Variants in PLCL1 observed in about 807,000 individuals in gnomAD.
PLCL1 encodes phospholipase C like 1 (inactive).
PLCL1 carries 41 observed loss-of-function variants against 84.4 expected under a neutral mutation model. That is an observed-to-expected ratio of 0.49 (90% CI 0.38 to 0.63). The LOEUF is 0.63. PLCL1 is among the 30% of genes least tolerant of loss of function. PLCL1 has a pLI of 0.00. For missense variants in PLCL1, 1,206 were observed against 1,367.8 expected (o/e 0.88, Z 1.87); for synonymous variants, 490 against 488.3 (o/e 1.00, Z -0.05).
At chr2:198,014,222 GA>G (rs1690938547) in intron 1 of PLCL1, among the ~76,000 whole-genome samples, 1 of 152,124 alleles carries the variant, frequency 6.6e-6, no homozygotes, top group Non-Finnish European at 1.5e-5. Flanking sequence ...GTCTTAGGTA[GA>G]AAAGTTTGGG....
intron 1 of PLCL1, among the ~76,000 whole-genome samples, chr2:197,923,976 C>T (rs993806639): frequency 2.0e-5 from 3 of 151,734 alleles, no homozygotes; most frequent in Admixed American, 6.6e-5. Context: ...GCCAACACAG[C>T]GAAACCCCGT....
chr2:197,840,384 T>C (rs1166582365), intron 1 of PLCL1, among the ~76,000 whole-genome samples: 4 of 152,138 alleles, frequency 2.6e-5, no homozygotes, highest in Non-Finnish European at 5.9e-5. Context: ...ATAATTTTAA[T>C]ATTGTCAGTT....
At chr2:198,121,631 T>C (rs781184893) in intron 5 of PLCL1, among the ~76,000 whole-genome samples, 7 of 151,150 alleles carry the variant, frequency 4.6e-5, no homozygotes, top group Non-Finnish European at 8.9e-5. Context: ...TGTAGATTTG[T>C]TTCTGGGTTC....
At chr2:197,989,081 A>T (rs1413426168) in intron 1 of PLCL1, among the ~76,000 whole-genome samples, 1 of 152,256 alleles carries the variant, frequency 6.6e-6, no homozygotes, top group Non-Finnish European at 1.5e-5. Flanking sequence ...AATGAAGAGT[A>T]GAAATTCTTG....
intron 1 of PLCL1, among the ~76,000 whole-genome samples, chr2:197,866,062 C>A: frequency 1.4e-5 from 1 of 70,666 alleles, no homozygotes; most frequent in African/African-American, 7.5e-5. Flanking sequence ...TACACACACA[C>A]ACACACTATA....
chr2:197,898,715 G>T (rs1028868751), intron 1 of PLCL1, among the ~76,000 whole-genome samples: 1 of 48,806 alleles, frequency 2.0e-5, no homozygotes, highest in Non-Finnish European at 4.4e-5. Context: ...AAATGTGTGT[G>T]TGTATGTATT....
chr2:197,996,129 A>G (rs1439277222), intron 1 of PLCL1, among the ~76,000 whole-genome samples: 3 of 152,062 alleles, frequency 2.0e-5, no homozygotes, highest in East Asian at 3.9e-4. Context: ...GGAAAGGGAA[A>G]GGAGGGAGAA....
intron 1 of PLCL1, among the ~76,000 whole-genome samples, chr2:197,806,061 CT>C: frequency 6.6e-6 from 1 of 152,330 alleles, no homozygotes; most frequent in Non-Finnish European, 1.5e-5. Context: ...CTCTTTCCAT[CT>C]TCCTTCCACT....
At chr2:198,093,954 C>A (rs913872008) in intron 3 of PLCL1, among the ~76,000 whole-genome samples, 1 of 151,964 alleles carries the variant, frequency 6.6e-6, no homozygotes, top group Non-Finnish European at 1.5e-5. Flanking sequence ...TTATTACCCA[C>A]TATAAATAAA....
chr2:198,090,486 C>T (rs1248766617), intron 3 of PLCL1, among the ~76,000 whole-genome samples: 1 of 151,936 alleles, frequency 6.6e-6, no homozygotes, highest in Non-Finnish European at 1.5e-5. Context: ...AAGATTTTGT[C>T]ATTAAAAAAC....
intron 1 of PLCL1, among the ~76,000 whole-genome samples, chr2:197,846,442 C>A (rs1274468577): frequency 2.0e-5 from 3 of 152,084 alleles, no homozygotes; most frequent in Non-Finnish European, 4.4e-5. Flanking sequence ...AGGTTTCTGT[C>A]TGAGTATTCA....
intron 1 of PLCL1, among the ~76,000 whole-genome samples, chr2:198,068,147 A>G (rs1034326121): frequency 2.6e-5 from 4 of 152,196 alleles, no homozygotes; most frequent in Non-Finnish European, 5.9e-5. Context: ...AGCTATTTGT[A>G]AATTACTATA....
intron 1 of PLCL1, among the ~76,000 whole-genome samples, chr2:198,060,696 A>T (rs1692175332): frequency 6.6e-6 from 1 of 152,234 alleles, no homozygotes; most frequent in Admixed American, 6.5e-5. Flanking sequence ...GCATAGTTCA[A>T]ATTTATGTTT....
At chr2:197,921,055 G>A (rs1184183228) in intron 1 of PLCL1, among the ~76,000 whole-genome samples, 2 of 152,074 alleles carry the variant, frequency 1.3e-5, no homozygotes, top group Non-Finnish European at 2.9e-5. Flanking sequence ...ACACACCTAG[G>A]CTACATGATA....
intron 1 of PLCL1, among the ~76,000 whole-genome samples, chr2:198,024,751 G>A (rs531928531): frequency 1.4e-5 from 2 of 144,410 alleles, no homozygotes; most frequent in South Asian, 2.2e-4. Context: ...CAACAAGAGC[G>A]AAATCTATCT....
intron 1 of PLCL1, among the ~76,000 whole-genome samples, chr2:198,044,640 T>C (rs57092115): frequency 0.02 from 3,000 of 152,286 alleles, 84 homozygotes; most frequent in African/African-American, 0.069. Flanking sequence ...TTAGTAAGAC[T>C]TTAAACTGTT....
rs145119961 is a variant in PLCL1 at position 197,946,467 on chromosome 2, G to A, written c.241-137291G>A. On this transcript the variant is annotated intron_variant, in intron 1 of 5. Transcript: ENST00000428675. The stretch of plus-strand genomic sequence containing the variant: ...CAGAAAAAGAAGTGAAAAATGGCAA[G>A]CAAAGATAAGCAAAAGTCCTCATTA... 6.7e-3 allele frequency among the ~76,000 whole-genome samples: 1,019 copies of A among 152,084 alleles called. 6 individuals are homozygous for A. Among genetic ancestry groups the A allele is most frequent in the Middle Eastern group, 0.01 (3 of 294 alleles).
intron 1 of PLCL1, among the ~76,000 whole-genome samples, chr2:198,021,799 C>T (rs181126147): frequency 1.3e-5 from 2 of 152,224 alleles, no homozygotes; most frequent in Non-Finnish European, 2.9e-5. Flanking sequence ...GATTCACAGC[C>T]GAATTCTATC....
intron 1 of PLCL1, among the ~76,000 whole-genome samples, chr2:197,977,099 T>C (rs370006104): frequency 6.6e-6 from 1 of 152,354 alleles, no homozygotes; most frequent in African/African-American, 2.4e-5. Flanking sequence ...CACCATCTGA[T>C]TTCTCTCCGC....
Sources: gnomAD v4.1 joint callset for allele counts (sites outside exome capture counted in the v4.1 genomes callset) on GRCh38, gnomAD v4.1.1 for gene constraint, MANE v1.5 for transcripts, NCBI Gene and HGNC (gene_info 2026-07-23, HGNC 2026-07-21) for gene names.